The following CNTNAP4 variants were observed in gnomAD, a reference collection of about 807,000 sequenced individuals.
CNTNAP4 encodes contactin associated protein family member 4.
CNTNAP4 carries 98 observed loss-of-function variants against 148.4 expected under a neutral mutation model. The observed-to-expected ratio is 0.66, with a 90% CI of 0.56 to 0.78. The LOEUF (loss-of-function observed/expected upper bound fraction) is 0.78. Among genes scored for constraint, CNTNAP4 ranks in the 30% least tolerant of loss-of-function variants. The pLI is 0.00. For missense variants in CNTNAP4, 1,935 were observed against 1,565.6 expected, an observed-to-expected ratio of 1.24 and a Z score of -3.98; for synonymous variants, 730 against 565.1, an observed-to-expected ratio of 1.29 and a Z score of -4.14.
At chr16:76,460,773 A>ATATATATATATATATATAT (rs1555564517) in intron 8 of CNTNAP4, among the ~76,000 whole-genome samples, 11 of 57,322 alleles carry the variant, frequency 1.9e-4, no homozygotes, top group African/African-American at 7.1e-4. Context: ...AAAAAAAAAA[A>ATATATATATATATATATAT]ATATATATAT....
chr16:76,322,341 A>G (rs1158797895), intron 2 of CNTNAP4, among the ~76,000 whole-genome samples: 1 of 152,122 alleles, frequency 6.6e-6, no homozygotes, highest in African/African-American at 2.4e-5. Flanking sequence ...GAAACTCTGA[A>G]TACTCATCCC....
At position 76,397,280 on chromosome 16, in the gene CNTNAP4, A is replaced by G. The variant is rs529451018; in HGVS notation, c.391-30172A>G. On this transcript the variant is annotated intron_variant, in intron 3 of 23. Transcript: ENST00000611870. ...GTTGGTAGAAGACAAAAAATGAACAATGAGAACTGAGAAAAGTTGTGGGGT... is the reference window on the plus strand; with the variant it reads ...GTTGGTAGAAGACAAAAAATGAACAGTGAGAACTGAGAAAAGTTGTGGGGT... Among the ~76,000 whole-genome samples, 7 of 152,156 alleles carry G rather than the reference A, an allele frequency of 4.6e-5. No homozygotes were observed. In the South Asian group the frequency reaches 1.2e-3, roughly 27 times the overall value.
chr16:76,439,185 C>T (rs528933257), intron 4 of CNTNAP4, among the ~76,000 whole-genome samples: 1 of 152,070 alleles, frequency 6.6e-6, no homozygotes, highest in East Asian at 1.9e-4. Context: ...CATTCAATAA[C>T]TATTGGTTAA....
chr16:76,411,378 C>G, intron 3 of CNTNAP4, among the ~76,000 whole-genome samples: 1 of 151,204 alleles, frequency 6.6e-6, no homozygotes, highest in Non-Finnish European at 1.5e-5. Flanking sequence ...ATAGAATATA[C>G]AGGTAAATGA....
chr16:76,450,451 G>C (rs1201189183), intron 7 of CNTNAP4, among the ~76,000 whole-genome samples: 1 of 152,170 alleles, frequency 6.6e-6, no homozygotes, highest in Non-Finnish European at 1.5e-5. Flanking sequence ...TGCCCAGCCT[G>C]CTCTGTGATT....
intron 1 of CNTNAP4, among the ~76,000 whole-genome samples, chr16:76,315,276 C>T (rs1204851630): frequency 1.3e-5 from 2 of 151,956 alleles, no homozygotes; most frequent in African/African-American, 4.8e-5. Flanking sequence ...CCATAGGACA[C>T]AAAATTACTA....
At chr16:76,303,521 C>G (rs1308779932) in intron 1 of CNTNAP4, among the ~76,000 whole-genome samples, 1 of 152,134 alleles carries the variant, frequency 6.6e-6, no homozygotes, top group Non-Finnish European at 1.5e-5. Context: ...ATGGAAGTAG[C>G]ACATACTTAG....
intron 3 of CNTNAP4, among the ~76,000 whole-genome samples, chr16:76,367,365 T>C (rs2014265466): frequency 1.3e-5 from 2 of 152,076 alleles, no homozygotes; most frequent in African/African-American, 4.8e-5. Flanking sequence ...GGACGGGGCC[T>C]GTCTTTCTAG....
At chr16:76,513,844 G>A (rs578116989) in intron 15 of CNTNAP4, among the ~76,000 whole-genome samples, 4 of 152,100 alleles carry the variant, frequency 2.6e-5, no homozygotes, top group African/African-American at 9.7e-5. Context: ...TAAAGGAATC[G>A]CACTTTTGTT....
intron 4 of CNTNAP4, among the ~76,000 whole-genome samples, chr16:76,433,920 G>C (rs1461948807): frequency 6.6e-6 from 1 of 151,918 alleles, no homozygotes; most frequent in Non-Finnish European, 1.5e-5. Flanking sequence ...TAAAATCAAA[G>C]AGTATAAATT....
chr16:76,418,005 C>T (rs557550519), intron 3 of CNTNAP4, among the ~76,000 whole-genome samples: 28 of 151,844 alleles, frequency 1.8e-4, no homozygotes, highest in South Asian at 1.0e-3. Flanking sequence ...AGCTACCTTT[C>T]GATGCCCTCT....
chr16:76,340,996 G>A (rs2144347858), intron 2 of CNTNAP4, among the ~76,000 whole-genome samples: 1 of 152,196 alleles, frequency 6.6e-6, no homozygotes, highest in Non-Finnish European at 1.5e-5. Context: ...TCCAATTTCT[G>A]ACACTTTATA....
At chr16:76,483,210 CTA>C (rs1204311658) in intron 12 of CNTNAP4, among the ~76,000 whole-genome samples, 3 of 144,550 alleles carry the variant, frequency 2.1e-5, no homozygotes, top group Admixed American at 1.4e-4. Flanking sequence ...ATAAATATCT[CTA>C]GTCTTTGAAG....
intron 4 of CNTNAP4, among the ~76,000 whole-genome samples, chr16:76,440,579 G>T (rs371169620): frequency 1.3e-5 from 2 of 152,088 alleles, no homozygotes; most frequent in African/African-American, 2.4e-5. Context: ...TATTTTCAGA[G>T]AATAGGTTTA....
At chr16:76,407,324 T>G (rs537337676) in intron 3 of CNTNAP4, among the ~76,000 whole-genome samples, 1 of 152,188 alleles carries the variant, frequency 6.6e-6, no homozygotes, top group African/African-American at 2.4e-5. Context: ...CTAGCCCTTG[T>G]TTTTGAAGAA....
chr16:76,334,404 C>T (rs1024627212), intron 2 of CNTNAP4, among the ~76,000 whole-genome samples: 3 of 152,046 alleles, frequency 2.0e-5, no homozygotes, highest in African/African-American at 7.2e-5. Flanking sequence ...GCCTTATCTT[C>T]GACTTGCTGC....
chr16:76,489,180 G>A (rs1035129618), intron 12 of CNTNAP4, among the ~76,000 whole-genome samples: 1 of 152,102 alleles, frequency 6.6e-6, no homozygotes, highest in Non-Finnish European at 1.5e-5. Context: ...TAGAAAAGGG[G>A]CTGCTTACAT....
intron 3 of CNTNAP4, among the ~76,000 whole-genome samples, chr16:76,376,592 C>G (rs556611032): frequency 6.6e-6 from 1 of 152,182 alleles, no homozygotes; most frequent in Non-Finnish European, 1.5e-5. Flanking sequence ...CCCACACAGT[C>G]GGAGAGCCCA....
Position 76,294,219 on chromosome 16 carries a change from G to C in CNTNAP4, c.85+16472G>C, listed in dbSNP as rs546561869. ...CTATTCAGGGACCCACAAGCAAATG[G>C]AGAAGACAAAAAGTAACTCTAACAA... On this transcript the variant is annotated intron_variant, in intron 1 of 23. Transcript: ENST00000611870. Among the ~76,000 whole-genome samples the C allele has an allele frequency of 2.0e-5, 3 of 152,196 alleles. No homozygotes were observed. The South Asian group carries it at 6.2e-4, about 32-fold the overall frequency.
Sources: gnomAD v4.1 joint callset for allele counts (sites outside exome capture counted in the v4.1 genomes callset) on GRCh38, gnomAD v4.1.1 for gene constraint, MANE v1.5 for transcripts, NCBI Gene and HGNC (gene_info 2026-07-23, HGNC 2026-07-21) for gene names.